Variants in RAB11FIP3 observed in about 807,000 individuals in gnomAD.
The protein encoded by RAB11FIP3 is RAB11 family interacting protein 3.
A neutral mutation model predicts 77.8 loss-of-function variants in RAB11FIP3; 17 were observed. The ratio of observed to expected loss-of-function variants is 0.22; its 90% confidence interval spans 0.15 to 0.33. The LOEUF is 0.33. Ranked by LOEUF, RAB11FIP3 falls within the 10% of genes least tolerant of loss-of-function variation. RAB11FIP3 has a pLI of 1.00. For missense variants in RAB11FIP3, 1,005 were observed against 1,011.2 expected, an observed-to-expected ratio of 0.99 and a Z score of 0.08; for synonymous variants, 437 against 448.2, an observed-to-expected ratio of 0.98 and a Z score of 0.31.
intron 6 of RAB11FIP3, 192 bp downstream of exon 6, chr16:497,051 C>A: frequency 1.6e-6 from 1 of 644,052 alleles, no homozygotes; most frequent in Non-Finnish European, 2.4e-6. Context: ...TGAATTTGGA[C>A]CTGGATTTGT....
intron 9 of RAB11FIP3, among the ~76,000 whole-genome samples, chr16:518,740 A>T (rs186668920): frequency 6.0e-4 from 91 of 151,334 alleles, no homozygotes; most frequent in African/African-American, 1.6e-3. Flanking sequence ...AAAAATAAAA[A>T]AATAATACTA....
chr16:472,614 C>T lies in RAB11FIP3; in HGVS notation c.903+1225C>T, dbSNP rs955157034. Among the ~76,000 whole-genome samples, 6 of 152,170 alleles carry T rather than the reference C, an allele frequency of 3.9e-5. No individual in the cohort carries two copies. The highest frequency in any genetic ancestry group is 9.7e-5 in the African/African-American group (4 of 41,426). On this transcript the variant is annotated intron_variant, in intron 3 of 13. Coordinates refer to ENST00000262305, the MANE Select transcript of RAB11FIP3 (RefSeq NM_014700.4). This position sits in a 1 kb window ranked among gnomAD's most constrained non-coding sequence, Gnocchi z 4.1. ...CCCAGAGCCCTTGGTCTGCAACGTCCGGGGAACTGTGTGTTCCTGGGCGTT... is the reference window on the plus strand; with the variant it reads ...CCCAGAGCCCTTGGTCTGCAACGTCTGGGGAACTGTGTGTTCCTGGGCGTT...
chr16:516,078 C>T (rs914704431), intron 9 of RAB11FIP3, among the ~76,000 whole-genome samples: 6 of 152,192 alleles, frequency 3.9e-5, no homozygotes, highest in Admixed American at 6.5e-5. Context: ...GTGCAGAGGC[C>T]GGCCGGTGCT....
intron 1 of RAB11FIP3, among the ~76,000 whole-genome samples, chr16:436,003 G>A (rs937873635): frequency 6.6e-6 from 1 of 152,078 alleles, no homozygotes; most frequent in Non-Finnish European, 1.5e-5. Flanking sequence ...GCTTCTTGGA[G>A]AAGGAAAAAA....
intron 8 of RAB11FIP3, among the ~76,000 whole-genome samples, chr16:508,346 G>C (rs1302614478): frequency 6.6e-6 from 1 of 152,136 alleles, no homozygotes; most frequent in African/African-American, 2.4e-5. Context: ...CTGTGCACCT[G>C]GTTTTCAGCC....
chr16:427,534 C>CT (rs2054969427), intron 1 of RAB11FIP3, among the ~76,000 whole-genome samples: 1 of 152,326 alleles, frequency 6.6e-6, no homozygotes, highest in African/African-American at 2.4e-5. Flanking sequence ...TACCTCAGCA[C>CT]TTAATAAAGT....
Position 426,831 on chromosome 16 carries a change from A to G in RAB11FIP3, c.714+111A>G. The G allele has an allele frequency of 1.2e-6, 1 of 830,652 alleles. No homozygotes were observed. The highest frequency in any genetic ancestry group is 1.8e-6 in the Non-Finnish European group (1 of 568,026). 51.5% of individuals were successfully genotyped at this position (830,652 alleles called of 1,614,324 possible). ...CCTGGAGTCGGGAAAGGCACTGTCA[A>G]GACCTGACGGTCCTGCTTTTTCTGC... On this transcript the variant is annotated intron_variant, in intron 1 of 13. Transcript: ENST00000262305. This position sits in a 1 kb window ranked among gnomAD's most constrained non-coding sequence, Gnocchi z 5.0.
rs931032522 is a variant in RAB11FIP3, at chr16:472,685, C to T, written c.903+1296C>T. On this transcript the variant is annotated intron_variant, in intron 3 of 13. Transcript: ENST00000262305. The surrounding 1 kb of genome is among the most constrained non-coding windows in gnomAD (Gnocchi z 4.1). The stretch of plus-strand genomic sequence containing the variant: ...CTCACGTGTATCCGTCTTTTTGTTC[C>T]CCTCTCATGTTTGTTAGGGCATTGT... 2.0e-5 allele frequency among the ~76,000 whole-genome samples: 3 copies of T among 152,178 alleles called. No homozygotes were observed. The highest frequency in any genetic ancestry group is 7.2e-5 in the African/African-American group (3 of 41,442).
At chr16:486,032 G>A (rs1304443214) in intron 4 of RAB11FIP3, among the ~76,000 whole-genome samples, 1 of 152,200 alleles carries the variant, frequency 6.6e-6, no homozygotes, top group Non-Finnish European at 1.5e-5. Context: ...CTCCTGATTA[G>A]CTGGGACTAC....
chr16:460,420 C>A (rs2055585229), intron 1 of RAB11FIP3, among the ~76,000 whole-genome samples: 1 of 152,136 alleles, frequency 6.6e-6, no homozygotes, highest in South Asian at 2.1e-4. Flanking sequence ...AGCCCATCAG[C>A]TGAGTATTAA....
chr16:439,665 C>T (rs1596192734), intron 1 of RAB11FIP3, among the ~76,000 whole-genome samples: 1 of 152,020 alleles, frequency 6.6e-6, no homozygotes, highest in Admixed American at 6.6e-5. Flanking sequence ...ATGACATGTG[C>T]CCAAGGTGAC....
chr16:513,770 G>A (rs1293268320), intron 9 of RAB11FIP3, among the ~76,000 whole-genome samples: 1 of 152,230 alleles, frequency 6.6e-6, no homozygotes, highest in East Asian at 1.9e-4. Context: ...GAAGGGGCCT[G>A]CACTGAGAGA....
intron 2 of RAB11FIP3, among the ~76,000 whole-genome samples, chr16:462,128 A>G (rs1349285658): frequency 6.6e-6 from 1 of 152,148 alleles, no homozygotes; most frequent in Non-Finnish European, 1.5e-5. Flanking sequence ...CACTGTCCCC[A>G]TGTGGGTGCC....
In RAB11FIP3 at chr16:507,096, G is replaced by A. The variant is rs1416599096; in HGVS notation, c.1499+1469G>A. ...TCGATGTAGCTGGGACTACAGGTGT[G>A]CACCACCACACCCAGCTTTTTTTTT... On this transcript the variant is annotated intron_variant, in intron 8 of 13. Coordinates refer to ENST00000262305, the MANE Select transcript of RAB11FIP3 (RefSeq NM_014700.4). The surrounding 1 kb of genome is among the most constrained non-coding windows in gnomAD (Gnocchi z 4.6). Among the ~76,000 whole-genome samples the A allele has an allele frequency of 6.6e-6, 1 of 150,718 alleles. No individual in the cohort carries two copies. The highest frequency in any genetic ancestry group is 1.5e-5 in the Non-Finnish European group (1 of 67,850).
At chr16:518,452 C>T (rs1017976964) in intron 9 of RAB11FIP3, among the ~76,000 whole-genome samples, 19 of 151,994 alleles carry the variant, frequency 1.3e-4, no homozygotes, top group African/African-American at 3.1e-4. Flanking sequence ...GGATGGCCGG[C>T]GGGGTGGCTC....
At chr16:459,395 G>C (rs1481451166) in intron 1 of RAB11FIP3, among the ~76,000 whole-genome samples, 1 of 150,592 alleles carries the variant, frequency 6.6e-6, no homozygotes, top group African/African-American at 2.4e-5. Context: ...CAAAGTGCTG[G>C]GATTATAGGC....
chr16:521,516 C>T lies in RAB11FIP3; in HGVS notation c.*677C>T, dbSNP rs911661869. 2 of 152,786 alleles carry T rather than the reference C, an allele frequency of 1.3e-5. No individual in the cohort carries two copies. Among genetic ancestry groups the T allele is most frequent in the African/African-American group, 4.8e-5 (2 of 41,470 alleles). 9.5% of individuals were successfully genotyped at this position (152,786 alleles called of 1,614,324 possible). A position where few individuals can be genotyped will look rare whatever the true frequency, so the allele number is the denominator to read the frequency against. On this transcript the variant is annotated 3_prime_UTR_variant, in exon 14 of 14. Coordinates refer to ENST00000262305, the MANE Select transcript of RAB11FIP3 (RefSeq NM_014700.4). ...TCACCTCAGTCCAGCTCTGGGGCCT[C>T]CAGGCCATGTGGCTGTTCCCACGGC...
intron 3 of RAB11FIP3, among the ~76,000 whole-genome samples, chr16:477,452 C>T (rs962068229): frequency 9.2e-5 from 14 of 152,308 alleles, no homozygotes; most frequent in Admixed American, 5.2e-4. Flanking sequence ...CAAACCGTCT[C>T]GGACCTGTGC....
chr16:498,088 A>G (rs2031274487), intron 6 of RAB11FIP3, among the ~76,000 whole-genome samples: 1 of 152,104 alleles, frequency 6.6e-6, no homozygotes, highest in Non-Finnish European at 1.5e-5. Flanking sequence ...CCTGGGCTTA[A>G]GTAATCTTTC....
Sources: gnomAD v4.1 joint callset for allele counts (sites outside exome capture counted in the v4.1 genomes callset) on GRCh38, gnomAD v4.1.1 for gene constraint, Gnocchi (gnomAD v3.1) non-coding constraint, MANE v1.5 for transcripts, NCBI Gene and HGNC (gene_info 2026-07-23, HGNC 2026-07-21) for gene names.